HERC3: variants seen among roughly 807,000 people sequenced by gnomAD.
HERC3 encodes HECT and RLD domain containing E3 ubiquitin protein ligase 3, also known as probable E3 ubiquitin-protein ligase HERC3.
In HERC3, 58 loss-of-function variants were observed where a neutral mutation model predicts 129.9. That is an observed-to-expected ratio of 0.45 (90% CI 0.36 to 0.56). The LOEUF is 0.56. Ranked by LOEUF, HERC3 falls within the 20% of genes least tolerant of loss-of-function variation. The probability of loss-of-function intolerance (pLI) is 0.00; values close to 1 mark genes in which losing one functional copy is unlikely to be tolerated. For synonymous variants in HERC3, 430 were observed against 451.0 expected (o/e 0.95, Z 0.59); for missense variants, 835 against 1,244.2 (o/e 0.67, Z 4.95).
Position 88,708,454 on chromosome 4 carries a change from TA to T in HERC3, c.*1495del, listed in dbSNP as rs1317448880. The T allele has an allele frequency of 6.6e-6, 1 of 152,636 alleles. No homozygotes were observed. The highest frequency in any genetic ancestry group is 2.4e-5 in the African/African-American group (1 of 41,458). 9.5% of individuals were successfully genotyped at this position (152,636 alleles called of 1,614,324 possible). A position where few individuals can be genotyped will look rare whatever the true frequency, so the allele number is the denominator to read the frequency against. ...CTTTATAAATACAGGATTAAAAATA[TA>T]TATACAGTTATATGAAATGTTTATT... On this transcript the variant is annotated 3_prime_UTR_variant, in exon 26 of 26. Coordinates refer to ENST00000402738, the MANE Select transcript of HERC3 (RefSeq NM_014606.3).
At chr4:88,541,583 C>T in the HERC3 span, among the ~76,000 whole-genome samples, 1 of 152,228 alleles carries the variant, frequency 6.6e-6, no homozygotes, top group African/African-American at 2.4e-5. Context: ...AGCTCTGCAA[C>T]AAGCAGGCCT....
chr4:88,667,844 A>C, intron 13 of HERC3, 48 bp from the exon 14 acceptor site: 1 of 1,351,804 alleles, frequency 7.4e-7, no homozygotes, highest in African/African-American at 1.4e-5. Flanking sequence ...AAAGTTAACT[A>C]GATCTCAAGT....
intron 2 of HERC3, chr4:88,598,211 G>C (rs1722600051): frequency 6.6e-6 from 1 of 152,194 alleles, no homozygotes; most frequent in Non-Finnish European, 1.5e-5. Flanking sequence ...TGAGTTGTTA[G>C]GCTGCTGTGT....
intron 4 of HERC3, among the ~76,000 whole-genome samples, 200 bp downstream of exon 4, chr4:88,650,199 C>T (rs905502878): frequency 3.9e-5 from 6 of 152,144 alleles, no homozygotes; most frequent in African/African-American, 7.2e-5. Flanking sequence ...AAATGTGAGT[C>T]GGTTGGGAAC....
At chr4:88,567,577 CT>C in the HERC3 span, among the ~76,000 whole-genome samples, 1 of 152,126 alleles carries the variant, frequency 6.6e-6, no homozygotes, top group African/African-American at 2.4e-5. Flanking sequence ...TTGAGAGACT[CT>C]GATGCATTCT....
intron 3 of HERC3, 69 bp from the exon 4 acceptor site, chr4:88,649,771 C>A (rs1729076720): frequency 7.6e-7 from 1 of 1,323,942 alleles, no homozygotes; most frequent in Non-Finnish European, 1.1e-6. Context: ...GGAAGATAAT[C>A]CTGTGTAATG....
At chr4:88,687,070 G>T in intron 22 of HERC3, 147 bp from the exon 23 acceptor site, 4 of 660,880 alleles carry the variant, frequency 6.1e-6, no homozygotes, top group Admixed American at 6.0e-5. Flanking sequence ...AATGTTTTCT[G>T]ACTCAAGTTC....
the HERC3 span, among the ~76,000 whole-genome samples, chr4:88,549,594 T>TTA: frequency 6.6e-6 from 1 of 152,216 alleles, no homozygotes; most frequent in South Asian, 2.1e-4. Context: ...ACTACTTCAC[T>TTA]TACGATAATG....
At chr4:88,548,553 T>TTTATTATTGAGTTCTAAGAG in the HERC3 span, among the ~76,000 whole-genome samples, 1 of 152,176 alleles carries the variant, frequency 6.6e-6, no homozygotes, top group African/African-American at 2.4e-5. Context: ...GGGTTGTCTT[T>TTTATTATTGAGTTCTAAGAG]TTATTATTGA....
chr4:88,697,204 C>T lies in HERC3; in HGVS notation c.2658-6894C>T, dbSNP rs187884791. On this transcript the variant is annotated intron_variant, in intron 23 of 25. Coordinates refer to ENST00000402738, the MANE Select transcript of HERC3 (RefSeq NM_014606.3). ...CTTTCTCTTCATCCATCTCTGCCCC[C>T]CTTACTTCTTGGCGTCATCAGGCAT... 4.0e-5 allele frequency: 60 copies of T among 1,512,946 alleles called. 1 individual carries two copies. In the East Asian group the frequency reaches 1.2e-3, roughly 30 times the overall value. 93.7% of individuals were successfully genotyped at this position (1,512,946 alleles called of 1,614,324 possible).
the HERC3 span, among the ~76,000 whole-genome samples, chr4:88,543,298 A>C: frequency 1.3e-5 from 2 of 152,194 alleles, no homozygotes; most frequent in Non-Finnish European, 2.9e-5. Flanking sequence ...CCAAGAACAG[A>C]CAGAGAGCCA....
intron 3 of HERC3, among the ~76,000 whole-genome samples, chr4:88,617,474 T>C (rs1203030122): frequency 6.6e-6 from 1 of 152,218 alleles, no homozygotes; most frequent in Non-Finnish European, 1.5e-5. Flanking sequence ...ATTGGCCTCA[T>C]ACTATATGAA....
intron 3 of HERC3, among the ~76,000 whole-genome samples, chr4:88,627,078 A>T (rs2149232481): frequency 6.6e-6 from 1 of 152,260 alleles, no homozygotes; most frequent in Admixed American, 6.5e-5. Flanking sequence ...CACAAACTTT[A>T]ATTCCATGTG....
chr4:88,700,565 G>A (rs531992164), intron 23 of HERC3, among the ~76,000 whole-genome samples: 20 of 152,182 alleles, frequency 1.3e-4, no homozygotes, highest in African/African-American at 4.1e-4. Flanking sequence ...ACTCTTTCAG[G>A]CTCTACCTAT....
Position 88,707,762 on chromosome 4 carries a change from C to T in HERC3, c.*802C>T, listed in dbSNP as rs138680879. 0.014 allele frequency: 2,142 copies of T among 152,484 alleles called. 28 individuals are homozygous for T. Among genetic ancestry groups the T allele is most frequent in the South Asian group, 0.057 (276 of 4,824 alleles). The allele number at this position is 152,484 out of a possible 1,614,324, so 9.4% of individuals were successfully genotyped here. On this transcript the variant is annotated 3_prime_UTR_variant, in exon 26 of 26. Coordinates refer to ENST00000402738, the MANE Select transcript of HERC3 (RefSeq NM_014606.3). ...ATAGACCCACCACCTCTTGCACTCT[C>T]GCTTTTGGAGCAAGTTGCATTAACT...
At chr4:88,526,701 A>G in the HERC3 span, among the ~76,000 whole-genome samples, 1 of 151,960 alleles carries the variant, frequency 6.6e-6, no homozygotes, top group African/African-American at 2.4e-5. Context: ...ACACCCAGCT[A>G]ATTTTTGTAT....
intron 3 of HERC3, among the ~76,000 whole-genome samples, chr4:88,617,325 AG>A (rs1394972712): frequency 6.6e-6 from 1 of 152,098 alleles, no homozygotes; most frequent in African/African-American, 2.4e-5. Flanking sequence ...TTCTTTTCAA[AG>A]TCATACTAAT....
intron 3 of HERC3, among the ~76,000 whole-genome samples, chr4:88,611,250 G>A (rs1314300043): frequency 6.6e-6 from 1 of 152,178 alleles, no homozygotes; most frequent in Non-Finnish European, 1.5e-5. Context: ...TGGTAGGTGT[G>A]TTCTAAATCT....
At chr4:88,566,736 C>A in the HERC3 span, among the ~76,000 whole-genome samples, 1 of 152,180 alleles carries the variant, frequency 6.6e-6, no homozygotes, top group African/African-American at 2.4e-5. Context: ...ATTTCTCCTT[C>A]ATGTTTGAAA....
Sources: allele counts gnomAD v4.1 joint callset (sites outside exome capture counted in the v4.1 genomes callset), GRCh38; gene constraint gnomAD v4.1.1; transcripts MANE v1.5; gene names NCBI Gene and HGNC (gene_info 2026-07-23, HGNC 2026-07-21).